Variants in NRP2 observed in about 807,000 individuals in gnomAD.
NRP2 encodes neuropilin 2.
In NRP2, 52 loss-of-function variants were observed where a neutral mutation model predicts 110.4. That is an observed-to-expected ratio of 0.47 (90% CI 0.38 to 0.59). The LOEUF (loss-of-function observed/expected upper bound fraction) is 0.59, where lower values mean the gene tolerates loss of function less well. Among genes scored for constraint, NRP2 ranks in the 20% least tolerant of loss-of-function variants. NRP2 has a pLI of 0.00. For synonymous variants in NRP2, 508 were observed against 468.9 expected (o/e 1.08, Z -1.08); for missense variants, 1,049 against 1,203.0 (o/e 0.87, Z 1.89).
At chr2:205,712,430 A>G (rs79711284) in intron 2 of NRP2, among the ~76,000 whole-genome samples, 2,351 of 152,268 alleles carry the variant, frequency 0.015, 58 homozygotes, top group African/African-American at 0.053. Context: ...CTACTTGACT[A>G]TCGTTGGGGT....
rs2057876615 is a variant in NRP2 at position 205,764,344 on chromosome 2, A to G, written c.2307+408A>G. The G allele has an allele frequency of 2.5e-5, 5 of 199,516 alleles. No homozygotes were observed. In the South Asian group the frequency reaches 4.4e-4, roughly 17 times the overall value. The allele number at this position is 199,516 out of a possible 1,614,324, so 12.4% of individuals were successfully genotyped here. A position where few individuals can be genotyped will look rare whatever the true frequency, so the allele number is the denominator to read the frequency against. On this transcript the variant is annotated intron_variant, in intron 13 of 16. Transcript: ENST00000357785. ...TCTCCCAGACCTGTCCCAGGCAGCA[A>G]GAACACAGGAAGGGGAGCGGGGGCT...
At chr2:205,720,709 C>T (rs1244932268) in intron 3 of NRP2, among the ~76,000 whole-genome samples, 1 of 152,232 alleles carries the variant, frequency 6.6e-6, no homozygotes, top group African/African-American at 2.4e-5. Flanking sequence ...CGCCAGCTGG[C>T]TTGGCTTTGC....
chr2:205,727,856 A>G lies in NRP2; in HGVS notation c.991-35A>G, dbSNP rs757767764. Reference sequence around the variant, plus strand: ...AACAAGACACTGCCCTGTGTTGGGAATGGTGGTCTCTTACTCCAGCCCTCT... The same window carrying G: ...AACAAGACACTGCCCTGTGTTGGGAGTGGTGGTCTCTTACTCCAGCCCTCT... On this transcript the variant is annotated intron_variant, in intron 6 of 16. Transcript: ENST00000357785. The G allele has an allele frequency of 1.9e-6, 3 of 1,597,590 alleles. No homozygotes were observed. In the South Asian group the frequency reaches 3.4e-5, roughly 18 times the overall value.
At chr2:205,704,456 T>C (rs1267882118) in intron 2 of NRP2, among the ~76,000 whole-genome samples, 1 of 152,144 alleles carries the variant, frequency 6.6e-6, no homozygotes, top group Non-Finnish European at 1.5e-5. Flanking sequence ...CAGTGAGCAG[T>C]AATAATTTTC....
chr2:205,780,295 A>G, intron 15 of NRP2, among the ~76,000 whole-genome samples: 1 of 152,248 alleles, frequency 6.6e-6, no homozygotes, highest in East Asian at 1.9e-4. Flanking sequence ...TTAGATGATG[A>G]CTGTGGACAT....
chr2:205,775,506 ATT>A (rs1158758306), intron 15 of NRP2, among the ~76,000 whole-genome samples: 1 of 151,780 alleles, frequency 6.6e-6, no homozygotes, highest in Admixed American at 6.6e-5. Flanking sequence ...TTGTGCCCAC[ATT>A]TTTTTTGTTG....
intron 16 of NRP2, among the ~76,000 whole-genome samples, chr2:205,794,334 T>A (rs2105978972): frequency 1.3e-5 from 2 of 152,256 alleles, no homozygotes; most frequent in South Asian, 4.1e-4. Flanking sequence ...ATGGTCTCGA[T>A]CTCTTGACCT....
intron 3 of NRP2, 43 bp downstream of exon 3, chr2:205,716,417 G>A: frequency 6.2e-7 from 1 of 1,604,958 alleles, no homozygotes; most frequent in Non-Finnish European, 8.5e-7. Context: ...GGGCGTCTTA[G>A]AGAAGAAGGA....
At chr2:205,784,342 A>G (rs1033595147) in intron 15 of NRP2, among the ~76,000 whole-genome samples, 1 of 152,170 alleles carries the variant, frequency 6.6e-6, no homozygotes, top group African/African-American at 2.4e-5. Flanking sequence ...GCACAAAGAA[A>G]CTTTTTGTCT....
At chr2:205,749,955 A>G in intron 11 of NRP2, 114 bp downstream of exon 11, 1 of 827,562 alleles carries the variant, frequency 1.2e-6, no homozygotes, top group Non-Finnish European at 2.1e-6. Context: ...GGGGATCTCA[A>G]AGAAGTGGTA....
At chr2:205,784,351 C>T (rs146118919) in intron 15 of NRP2, among the ~76,000 whole-genome samples, 1 of 152,186 alleles carries the variant, frequency 6.6e-6, no homozygotes, top group Non-Finnish European at 1.5e-5. Context: ...AACTTTTTGT[C>T]TCTTTGTGTT....
At chr2:205,691,642 T>G (rs1456572941) in intron 1 of NRP2, among the ~76,000 whole-genome samples, 1 of 152,230 alleles carries the variant, frequency 6.6e-6, no homozygotes, top group East Asian at 1.9e-4. Context: ...TCTCCTTTGG[T>G]TTTTGGAGAG....
At position 205,686,373 on chromosome 2, in the gene NRP2, C is replaced by T. The variant is rs1334082511; in HGVS notation, c.73+3010C>T. Among the ~76,000 whole-genome samples the T allele has an allele frequency of 1.3e-5, 2 of 152,244 alleles. No individual in the cohort carries two copies. The highest frequency in any genetic ancestry group is 4.8e-5 in the African/African-American group (2 of 41,460). On this transcript the variant is annotated intron_variant, in intron 1 of 16. Coordinates refer to ENST00000357785, the MANE Select transcript of NRP2 (RefSeq NM_003872.3). This position sits in a 1 kb window ranked among gnomAD's most constrained non-coding sequence, Gnocchi z 4.7. ...CGCCGGCGAGTTCCCGCCTCCCCTC[C>T]CCAGCCGCCTCGCTCTTTGCTTTTC...
At chr2:205,771,223 G>C (rs548195407) in intron 15 of NRP2, among the ~76,000 whole-genome samples, 18 of 152,216 alleles carry the variant, frequency 1.2e-4, no homozygotes, top group African/African-American at 4.3e-4. Flanking sequence ...GGCGCCTCCC[G>C]CCACACCATG....
intron 11 of NRP2, among the ~76,000 whole-genome samples, chr2:205,750,371 T>TTCTATC (rs1420479310): frequency 2.0e-5 from 3 of 152,180 alleles, no homozygotes; most frequent in Admixed American, 1.3e-4. Context: ...ACAGTGATGA[T>TTCTATC]TCTATAAGAT....
chr2:205,688,750 T>A (rs138291600), intron 1 of NRP2, among the ~76,000 whole-genome samples: 4 of 152,254 alleles, frequency 2.6e-5, no homozygotes, highest in Non-Finnish European at 5.9e-5. Flanking sequence ...CTGAAAATGC[T>A]ACTCCTATCC....
chr2:205,766,734 A>G, intron 14 of NRP2, 49 bp from the exon 15 acceptor site: 5 of 1,542,892 alleles, frequency 3.2e-6, no homozygotes, highest in South Asian at 1.1e-5. Flanking sequence ...TGTTCACCCA[A>G]TTGTTTCTTG....
At chr2:205,729,121 G>A (rs1184314518) in intron 7 of NRP2, among the ~76,000 whole-genome samples, 1 of 152,210 alleles carries the variant, frequency 6.6e-6, no homozygotes, top group African/African-American at 2.4e-5. Flanking sequence ...AGCTTGCTCT[G>A]ACTGGTGCAG....
At chr2:205,781,974 G>C (rs1011841059) in intron 15 of NRP2, among the ~76,000 whole-genome samples, 1 of 152,116 alleles carries the variant, frequency 6.6e-6, no homozygotes, top group African/African-American at 2.4e-5. Flanking sequence ...GCCTGGGCCA[G>C]AGTATGTTTG....
Sources: allele counts gnomAD v4.1 joint callset (sites outside exome capture counted in the v4.1 genomes callset), GRCh38; gene constraint gnomAD v4.1.1; non-coding constraint Gnocchi (gnomAD v3.1); transcripts MANE v1.5; gene names NCBI Gene and HGNC (gene_info 2026-07-23, HGNC 2026-07-21).